Variants in GZMA observed in about 807,000 individuals in gnomAD.
GZMA encodes the protein CTL tryptase.
Under a neutral mutation model 21.1 loss-of-function variants are expected in GZMA, and 17 were observed. The ratio of observed to expected loss-of-function variants is 0.81; its 90% CI spans 0.55 to 1.21. The LOEUF is 1.21. Among genes scored for constraint, GZMA ranks in the 50% most tolerant of loss-of-function variants. GZMA has a pLI of 0.00. For missense variants in GZMA, 306 were observed against 315.9 expected (o/e 0.97, Z 0.24); for synonymous variants, 90 against 107.8 (o/e 0.83, Z 1.03).
intron 2 of GZMA, among the ~76,000 whole-genome samples, chr5:55,106,262 T>TAAAATAAA (rs11373448): frequency 2.0e-3 from 1 of 506 alleles, no homozygotes; most frequent in African/African-American, 4.7e-3. Flanking sequence ...TAAAATAAAA[T>TAAAATAAA]AAATAAAATA....
intron 1 of GZMA, among the ~76,000 whole-genome samples, 174 bp from the exon 2 acceptor site, chr5:55,105,300 G>C (rs1742367777): frequency 6.6e-6 from 1 of 152,186 alleles, no homozygotes; most frequent in Non-Finnish European, 1.5e-5. Flanking sequence ...AGTCCAACAG[G>C]AATAGGATTT....
chr5:55,104,798 C>G (rs1209670089), intron 1 of GZMA, among the ~76,000 whole-genome samples: 2 of 152,158 alleles, frequency 1.3e-5, no homozygotes, highest in African/African-American at 4.8e-5. Context: ...AGGCAGAATT[C>G]TTGGCATATG....
At chr5:55,107,973 C>A (rs1374997315) in intron 3 of GZMA, 38 bp downstream of exon 3, 2 of 1,586,556 alleles carry the variant, frequency 1.3e-6, no homozygotes, top group Admixed American at 1.7e-5. Flanking sequence ...AGTCATAGAA[C>A]CTTCTACAAT....
intron 2 of GZMA, among the ~76,000 whole-genome samples, chr5:55,106,245 AATAAAATAAAATAAAAT>A (rs1742409456): frequency 2.2e-4 from 1 of 4,456 alleles, no homozygotes; most frequent in African/African-American, 4.7e-4. Context: ...AATAAAATAA[AATAAAATAAAATAAAAT>A]AAATAAAATA....
chr5:55,104,015 CAAAA>C (rs1163180342), intron 1 of GZMA, among the ~76,000 whole-genome samples: 1 of 150,384 alleles, frequency 6.6e-6, no homozygotes. Flanking sequence ...AAAAAAAAAA[CAAAA>C]AAGAGAGAGA....
At chr5:55,105,261 C>T (rs2111752605) in intron 1 of GZMA, among the ~76,000 whole-genome samples, 1 of 152,272 alleles carries the variant, frequency 6.6e-6, no homozygotes, top group South Asian at 2.1e-4. Flanking sequence ...AATGGCCTCG[C>T]TTCTGTGGGT....
intron 1 of GZMA, among the ~76,000 whole-genome samples, chr5:55,104,647 G>A (rs568065392): frequency 1.3e-5 from 2 of 152,356 alleles, no homozygotes; most frequent in South Asian, 4.1e-4. Flanking sequence ...AACATCTGGT[G>A]CAGGAGGTGG....
chr5:55,103,039 T>A (rs1348739848), intron 1 of GZMA, among the ~76,000 whole-genome samples: 1 of 72,760 alleles, frequency 1.4e-5, no homozygotes, highest in Non-Finnish European at 2.6e-5. Context: ...ATTTTAAATA[T>A]GTCTGTATTT....
chr5:55,109,296 G>A (rs1265094368), intron 4 of GZMA, among the ~76,000 whole-genome samples: 3 of 152,042 alleles, frequency 2.0e-5, no homozygotes, highest in African/African-American at 7.2e-5. Context: ...GGGTTCCCAG[G>A]AACCCAGAAC....
chr5:55,105,711 A>G (rs2111754602), intron 2 of GZMA, 93 bp downstream of exon 2: 1 of 1,120,444 alleles, frequency 8.9e-7, no homozygotes, highest in Non-Finnish European at 1.3e-6. Flanking sequence ...AGTGGCTTAC[A>G]CCTGTAATCC....
At chr5:55,104,104 A>T (rs1002303209) in intron 1 of GZMA, among the ~76,000 whole-genome samples, 4 of 152,238 alleles carry the variant, frequency 2.6e-5, no homozygotes, top group African/African-American at 9.6e-5. Flanking sequence ...AGCAGGGCAT[A>T]GTATGACTAT....
rs759773022 is a variant in GZMA, at chr5:55,110,008, T to G, written c.628-13T>G. The stretch of plus-strand genomic sequence containing the variant: ...CACTGACCCCACACCCTACCCCTCT[T>G]GTTTTCCTCCAGGGAGATTCTGGAA... On this transcript the variant is annotated splice_polypyrimidine_tract_variant and intron_variant, in intron 4 of 4. Coordinates refer to ENST00000274306, the MANE Select transcript of GZMA (RefSeq NM_006144.4). 7.0e-6 allele frequency: 11 copies of G among 1,582,558 alleles called. No homozygotes were observed. The East Asian group carries it at 2.5e-4, about 36-fold the overall frequency.
intron 2 of GZMA, among the ~76,000 whole-genome samples, chr5:55,106,615 C>T (rs1335528931): frequency 6.6e-6 from 1 of 152,204 alleles, no homozygotes; most frequent in Non-Finnish European, 1.5e-5. Flanking sequence ...AGTGCCCCCT[C>T]AGAGCCCTGG....
intron 1 of GZMA, among the ~76,000 whole-genome samples, chr5:55,104,024 G>A (rs1361778760): frequency 6.6e-6 from 1 of 150,794 alleles, no homozygotes; most frequent in Non-Finnish European, 1.5e-5. Context: ...ACAAAAAAGA[G>A]AGAGAGAGAG....
At chr5:55,108,493 A>G (rs1225485231) in intron 4 of GZMA, 99 bp downstream of exon 4, 12 of 972,046 alleles carry the variant, frequency 1.2e-5, no homozygotes, top group Non-Finnish European at 1.9e-5. Context: ...ACTGGCTTCT[A>G]CAGGATCCTA....
At chr5:55,104,106 T>C (rs1742347038) in intron 1 of GZMA, among the ~76,000 whole-genome samples, 1 of 152,154 alleles carries the variant, frequency 6.6e-6, no homozygotes, top group South Asian at 2.1e-4. Context: ...CAGGGCATAG[T>C]ATGACTATAT....
At chr5:55,106,821 T>C (rs1411217464) in intron 2 of GZMA, among the ~76,000 whole-genome samples, 1 of 152,158 alleles carries the variant, frequency 6.6e-6, no homozygotes, top group African/African-American at 2.4e-5. Context: ...ACTAGCTACA[T>C]GTAGCTATGT....
chr5:55,109,433 C>T (rs1462338326), intron 4 of GZMA, among the ~76,000 whole-genome samples: 1 of 152,174 alleles, frequency 6.6e-6, no homozygotes, highest in Non-Finnish European at 1.5e-5. Context: ...CTCTCAACAC[C>T]CTGGAATTGG....
At position 55,105,490 on chromosome 5, in the gene GZMA, T is replaced by G. The variant is rs1199965660; in HGVS notation, c.87T>G (p.Ile29Met). 1 of 1,612,790 alleles carries G rather than the reference T, an allele frequency of 6.2e-7. No homozygotes were observed. The highest frequency in any genetic ancestry group is 2.2e-5 in the East Asian group (1 of 44,806). ...LLIPEDVCEKIIGGNEVTPHS... is the reference protein window; with the variant it reads ...LLIPEDVCEKMIGGNEVTPHS... ...ATTGAACAGATGTCTGTGAAAAAATTATTGGAGGAAATGAAGTAACTCCTC... is the reference window on the plus strand; with the variant it reads ...ATTGAACAGATGTCTGTGAAAAAATGATTGGAGGAAATGAAGTAACTCCTC... Residue 29 changes from isoleucine (I) to methionine (M), a missense_variant, in exon 2 of 5, where the codon ATT becomes ATG. Transcript: ENST00000274306.
Sources: gnomAD v4.1 joint callset for allele counts (sites outside exome capture counted in the v4.1 genomes callset) on GRCh38, gnomAD v4.1.1 for gene constraint, MANE v1.5 for transcripts, NCBI Gene and HGNC (gene_info 2026-07-23, HGNC 2026-07-21) for gene names.